The following SUGCT variants were observed in gnomAD, a reference collection of about 807,000 sequenced individuals.
SUGCT encodes the protein succinyl-CoA:glutarate-CoA transferase.
Under a neutral mutation model 55.0 loss-of-function variants are expected in SUGCT, and 41 were observed. The observed-to-expected ratio is 0.74, with a 90% CI of 0.58 to 0.97. The LOEUF (loss-of-function observed/expected upper bound fraction) is 0.97, where lower values mean the gene tolerates loss of function less well. Ranked by LOEUF, SUGCT falls within the 50% of genes least tolerant of loss-of-function variation. SUGCT has a pLI of 0.00. For missense variants in SUGCT, 568 were observed against 547.8 expected (o/e 1.04, Z -0.37); for synonymous variants, 187 against 200.4 (o/e 0.93, Z 0.56).
At chr7:40,874,243 A>T in the SUGCT span, among the ~76,000 whole-genome samples, 1 of 152,148 alleles carries the variant, frequency 6.6e-6, no homozygotes, top group African/African-American at 2.4e-5. Context: ...CAAGGAAATG[A>T]CTCATCCAAA....
chr7:40,454,540 A>T (rs1447678242), intron 10 of SUGCT, among the ~76,000 whole-genome samples: 1 of 152,202 alleles, frequency 6.6e-6, no homozygotes, highest in African/African-American at 2.4e-5. Context: ...CAGCATGTAC[A>T]TGTTACTGCA....
intron 12 of SUGCT, chr7:40,539,551 A>G (rs916142449): frequency 2.0e-5 from 3 of 152,154 alleles, no homozygotes; most frequent in African/African-American, 7.2e-5. Context: ...TCAAAAATAA[A>G]CAGTTGTTCT....
chr7:40,508,987 T>C (rs1037806849), intron 12 of SUGCT, among the ~76,000 whole-genome samples: 1 of 152,198 alleles, frequency 6.6e-6, no homozygotes, highest in African/African-American at 2.4e-5. Context: ...ATCTCGCTTT[T>C]TTTTTTGAAA....
chr7:40,273,824 T>C lies in SUGCT; in HGVS notation c.577-689T>C, dbSNP rs148292970. On this transcript the variant is annotated intron_variant, in intron 7 of 13. Coordinates refer to ENST00000335693, the MANE Select transcript of SUGCT (RefSeq NM_001193313.2). ...TATATGAGTTATTAGCAGGGAGTGT[T>C]ACAGGCTGTGAAACATCTCCGTTTT... Among the ~76,000 whole-genome samples the C allele has an allele frequency of 7.9e-4, 120 of 152,216 alleles. 1 individual carries two copies. In the East Asian group the frequency reaches 0.02, roughly 25 times the overall value.
rs766012360 is a variant in SUGCT, at chr7:40,181,964, G to A, written c.162G>A (p.Ala54=). The A allele has an allele frequency of 1.4e-5, 22 of 1,589,948 alleles. No homozygotes were observed. The highest frequency in any genetic ancestry group is 6.8e-5 in the South Asian group (6 of 88,064). The part of the protein sequence containing the change: ...VKILDLTRVL[A]GPFATMNLGD... ...ATTTTTAACATTGTAGAGTCCTGGC[G>A]GGACCTTTTGCTACTATGAATTTAG... Residue 54 remains alanine, a synonymous_variant, in exon 3 of 14, where the codon GCG becomes GCA. Coordinates refer to ENST00000335693, the MANE Select transcript of SUGCT (RefSeq NM_001193313.2).
intron 1 of SUGCT, among the ~76,000 whole-genome samples, chr7:40,145,824 A>G (rs376174066): frequency 5.8e-4 from 89 of 152,234 alleles, no homozygotes; most frequent in Middle Eastern, 3.4e-3. Flanking sequence ...TTATTAGGCA[A>G]TTTTCCTAAC....
At chr7:40,167,319 G>C (rs1784468668) in intron 1 of SUGCT, among the ~76,000 whole-genome samples, 1 of 152,206 alleles carries the variant, frequency 6.6e-6, no homozygotes, top group Non-Finnish European at 1.5e-5. Context: ...AAATTATAGT[G>C]ACAGAAAGCA....
At position 40,195,010 on chromosome 7, in the gene SUGCT, A is replaced by G. The variant is rs1332319797; in HGVS notation, c.434A>G (p.Tyr145Cys). 1 of 1,613,934 alleles carries G rather than the reference A, an allele frequency of 6.2e-7. No homozygotes were observed. Among genetic ancestry groups the G allele is most frequent in the Admixed American group, 1.7e-5 (1 of 60,020 alleles). The part of the protein sequence containing the change: ...PGKLSAMGLG[Y>C]EDIDEIAPHI... Reference sequence around the variant, plus strand: ...AAACTGTCTGCAATGGGCCTGGGATATGAAGATATAGACGAGATTGCTCCT... The same window carrying G: ...AAACTGTCTGCAATGGGCCTGGGATGTGAAGATATAGACGAGATTGCTCCT... Residue 145 changes from tyrosine to cysteine, a missense_variant, in exon 6 of 14, where the codon TAT (tyrosine) becomes TGT (cysteine). Tyr to Cys is a radical substitution (Grantham distance 194). Coordinates refer to ENST00000335693, the MANE Select transcript of SUGCT (RefSeq NM_001193313.2).
Position 40,590,752 on chromosome 7 carries a change from T to C in SUGCT, c.1089+94366T>C, listed in dbSNP as rs1017344594. On this transcript the variant is annotated intron_variant, in intron 12 of 13. Coordinates refer to ENST00000335693, the MANE Select transcript of SUGCT (RefSeq NM_001193313.2). ...TACTTTAAGGTGGAGCCAATGCTCC[T>C]TGACAATTCTGCAAATCTTAGGGCC... Among the ~76,000 whole-genome samples, 3 of 152,190 alleles carry C rather than the reference T, an allele frequency of 2.0e-5. No individual in the cohort carries two copies. The East Asian group carries it at 5.8e-4, about 29-fold the overall frequency.
At chr7:40,199,396 A>G (rs755472443) in intron 6 of SUGCT, among the ~76,000 whole-genome samples, 1 of 152,184 alleles carries the variant, frequency 6.6e-6, no homozygotes, top group African/African-American at 2.4e-5. Context: ...TATGCACATT[A>G]GGGGGCAGTG....
At chr7:40,772,726 G>A (rs1183442824) in intron 13 of SUGCT, among the ~76,000 whole-genome samples, 1 of 151,804 alleles carries the variant, frequency 6.6e-6, no homozygotes, top group African/African-American at 2.4e-5. Context: ...ACCTCCCTGG[G>A]CTCAAGGGAT....
intron 12 of SUGCT, among the ~76,000 whole-genome samples, chr7:40,706,068 G>A (rs1413267890): frequency 6.6e-6 from 1 of 152,126 alleles, no homozygotes; most frequent in African/African-American, 2.4e-5. Flanking sequence ...GCTCAGCATT[G>A]TCTAGTATTT....
At chr7:40,213,304 G>GT (rs1286634655) in intron 6 of SUGCT, among the ~76,000 whole-genome samples, 3 of 152,004 alleles carry the variant, frequency 2.0e-5, no homozygotes, top group East Asian at 3.9e-4. Context: ...GTCTTTCCTT[G>GT]TTTTTTTGAC....
intron 12 of SUGCT, among the ~76,000 whole-genome samples, chr7:40,531,331 A>C (rs1392655706): frequency 1.3e-5 from 2 of 152,168 alleles, no homozygotes; most frequent in African/African-American, 4.8e-5. Flanking sequence ...CACTGAAACA[A>C]CTGGCTCACA....
the SUGCT span, among the ~76,000 whole-genome samples, chr7:40,991,268 A>C: frequency 2.0e-5 from 3 of 152,334 alleles, no homozygotes; most frequent in East Asian, 1.9e-4. Context: ...TGGTTGGTGG[A>C]GGAGTCAGAG....
intron 12 of SUGCT, among the ~76,000 whole-genome samples, chr7:40,513,160 A>T (rs1793031794): frequency 6.6e-6 from 1 of 152,102 alleles, no homozygotes; most frequent in Admixed American, 6.6e-5. Flanking sequence ...ACCTACCAAA[A>T]ATCATACATC....
the SUGCT span, among the ~76,000 whole-genome samples, chr7:40,923,093 T>C: frequency 6.6e-6 from 1 of 152,126 alleles, no homozygotes; most frequent in Non-Finnish European, 1.5e-5. Flanking sequence ...CTCTATAAAA[T>C]AGAAATTGAG....
In SUGCT at chr7:40,800,571, C is replaced by T. The variant is rs1053754309; in HGVS notation, c.1153+51074C>T. Among the ~76,000 whole-genome samples the T allele has an allele frequency of 3.3e-5, 5 of 152,164 alleles. No individual in the cohort carries two copies. The East Asian group carries it at 7.8e-4, about 24-fold the overall frequency. ...CCTTCCAAAGTACTGGGATTACAGG[C>T]GTGAGCCACCGCGCCTGGCCCTCAT... On this transcript the variant is annotated intron_variant, in intron 13 of 13. Transcript: ENST00000335693.
At chr7:40,265,098 A>C (rs1417160568) in intron 7 of SUGCT, among the ~76,000 whole-genome samples, 1 of 152,238 alleles carries the variant, frequency 6.6e-6, no homozygotes, top group Non-Finnish European at 1.5e-5. Context: ...TATATTTCGG[A>C]AAGTGGTTTA....
Sources: gnomAD v4.1 joint callset for allele counts (sites outside exome capture counted in the v4.1 genomes callset) on GRCh38, gnomAD v4.1.1 for gene constraint, MANE v1.5 for transcripts, NCBI Gene and HGNC (gene_info 2026-07-23, HGNC 2026-07-21) for gene names.